PBX3: variants seen among roughly 807,000 people sequenced by gnomAD.
The protein encoded by PBX3 is pre-B-cell leukemia transcription factor 3.
Under a neutral mutation model 48.5 loss-of-function variants are expected in PBX3, and 14 were observed. That is an observed-to-expected ratio of 0.29 (90% CI 0.19 to 0.45). PBX3 has a LOEUF of 0.45. Among genes scored for constraint, PBX3 ranks in the 20% least tolerant of loss-of-function variants. The pLI is 1.00. For synonymous variants in PBX3, 210 were observed against 200.3 expected (o/e 1.05, Z -0.41); for missense variants, 386 against 546.7 (o/e 0.71, Z 2.93).
intron 3 of PBX3, among the ~76,000 whole-genome samples, chr9:125,920,131 G>C (rs756971537): frequency 6.6e-6 from 1 of 152,126 alleles, no homozygotes; most frequent in Non-Finnish European, 1.5e-5. Context: ...TTTTCTTCTT[G>C]TTGATTCTGA....
At chr9:125,835,315 C>T (rs897303172) in intron 2 of PBX3, among the ~76,000 whole-genome samples, 6 of 152,044 alleles carry the variant, frequency 3.9e-5, no homozygotes, top group African/African-American at 1.4e-4. Flanking sequence ...AAGTGACCTG[C>T]CCAGGGATGC....
At chr9:125,771,907 A>G (rs1836948605) in intron 2 of PBX3, among the ~76,000 whole-genome samples, 1 of 152,006 alleles carries the variant, frequency 6.6e-6, no homozygotes, top group Admixed American at 6.6e-5. Context: ...CAAGGGTGAG[A>G]GGTTATCATT....
intron 2 of PBX3, among the ~76,000 whole-genome samples, chr9:125,889,597 T>G (rs1363712756): frequency 6.6e-6 from 1 of 152,166 alleles, no homozygotes; most frequent in African/African-American, 2.4e-5. Context: ...CCACCCCTGT[T>G]GTGATGCTGC....
At chr9:125,754,337 T>C (rs1428293723) in intron 2 of PBX3, among the ~76,000 whole-genome samples, 1 of 152,116 alleles carries the variant, frequency 6.6e-6, no homozygotes. Context: ...CGTGTTGACC[T>C]TTTCAAGCAT....
At chr9:125,841,094 T>A (rs1464881479) in intron 2 of PBX3, among the ~76,000 whole-genome samples, 5 of 152,104 alleles carry the variant, frequency 3.3e-5, no homozygotes, top group Non-Finnish European at 7.4e-5. Flanking sequence ...TTGCATGGAA[T>A]TTATTATGGT....
At chr9:125,942,323 C>T (rs981119655) in intron 5 of PBX3, among the ~76,000 whole-genome samples, 9 of 152,238 alleles carry the variant, frequency 5.9e-5, no homozygotes, top group South Asian at 2.1e-4. Context: ...TTGTGAGGCA[C>T]GGACCTTGGA....
At chr9:125,904,488 C>T (rs892868897) in intron 2 of PBX3, among the ~76,000 whole-genome samples, 10 of 151,928 alleles carry the variant, frequency 6.6e-5, no homozygotes, top group African/African-American at 2.4e-4. Context: ...TTTGTTTTAG[C>T]TGCCTTCCAC....
chr9:125,962,284 C>T, intron 7 of PBX3, 70 bp downstream of exon 7: 1 of 854,936 alleles, frequency 1.2e-6, no homozygotes. Context: ...TTCCTCTGAC[C>T]CCATGGAAGT....
chr9:125,808,422 T>TGCAGTGG (rs1370471512), intron 2 of PBX3, among the ~76,000 whole-genome samples: 1 of 152,162 alleles, frequency 6.6e-6, no homozygotes, highest in Non-Finnish European at 1.5e-5. Context: ...ACCCCTGTAA[T>TGCAGTGG]CCCAACACGT....
chr9:125,884,467 A>G (rs1326790959), intron 2 of PBX3, among the ~76,000 whole-genome samples: 5 of 152,228 alleles, frequency 3.3e-5, no homozygotes, highest in African/African-American at 4.8e-5. Context: ...CAGGTTTGCA[A>G]TTATGAAGCA....
At chr9:125,959,012 CAG>C (rs1327013571) in intron 5 of PBX3, among the ~76,000 whole-genome samples, 1 of 152,184 alleles carries the variant, frequency 6.6e-6, no homozygotes, top group South Asian at 2.1e-4. Context: ...TTACAAGTAT[CAG>C]ACACTGCTGA....
intron 2 of PBX3, among the ~76,000 whole-genome samples, chr9:125,881,259 A>T (rs1840374313): frequency 6.6e-6 from 1 of 152,238 alleles, no homozygotes. Context: ...ATGGAAAGTG[A>T]CATGGCAGAG....
chr9:125,909,429 A>C (rs1193380740), intron 2 of PBX3, among the ~76,000 whole-genome samples: 1 of 152,188 alleles, frequency 6.6e-6, no homozygotes, highest in African/African-American at 2.4e-5. Flanking sequence ...TAAATGAACT[A>C]CTGGGTAAAT....
chr9:125,813,235 G>C (rs559999871), intron 2 of PBX3, among the ~76,000 whole-genome samples: 18 of 150,860 alleles, frequency 1.2e-4, no homozygotes, highest in Non-Finnish European at 2.5e-4. Context: ...TTTTATATCC[G>C]TATTCTATAA....
At chr9:125,891,963 A>G (rs1840655809) in intron 2 of PBX3, among the ~76,000 whole-genome samples, 1 of 152,136 alleles carries the variant, frequency 6.6e-6, no homozygotes, top group Non-Finnish European at 1.5e-5. Context: ...CTCTGTCCCC[A>G]AGGCTGGATG....
chr9:125,806,944 A>C (rs1380592123), intron 2 of PBX3, among the ~76,000 whole-genome samples: 2 of 152,250 alleles, frequency 1.3e-5, no homozygotes, highest in Non-Finnish European at 2.9e-5. Context: ...GAGAAGATAT[A>C]AGACAGACTC....
At chr9:125,868,153 G>A (rs1263006034) in intron 2 of PBX3, among the ~76,000 whole-genome samples, 1 of 151,366 alleles carries the variant, frequency 6.6e-6, no homozygotes, top group Admixed American at 6.6e-5. Flanking sequence ...GGGATTACAG[G>A]TCTGAGCCAC....
At chr9:125,869,710 G>C (rs1416978519) in intron 2 of PBX3, among the ~76,000 whole-genome samples, 3 of 152,124 alleles carry the variant, frequency 2.0e-5, no homozygotes, top group African/African-American at 7.2e-5. Flanking sequence ...ATAATTGAAA[G>C]CTTTCACTAC....
intron 2 of PBX3, among the ~76,000 whole-genome samples, chr9:125,912,351 G>C (rs988982765): frequency 2.0e-5 from 3 of 152,110 alleles, no homozygotes; most frequent in Non-Finnish European, 2.9e-5. Context: ...ATTGTGAAGG[G>C]TATGCGTTTA....
Sources: gnomAD v4.1 joint callset for allele counts (sites outside exome capture counted in the v4.1 genomes callset) on GRCh38, gnomAD v4.1.1 for gene constraint, MANE v1.5 for transcripts, NCBI Gene and HGNC (gene_info 2026-07-23, HGNC 2026-07-21) for gene names.